TAFA1: variants seen among roughly 807,000 people sequenced by gnomAD.
TAFA1 encodes the protein TAFA chemokine like family member 1, also known as chemokine-like protein TAFA-1.
In TAFA1, 4 loss-of-function variants were observed where a neutral mutation model predicts 18.5. The observed-to-expected ratio is 0.22, with a 90% CI of 0.11 to 0.49. The LOEUF (loss-of-function observed/expected upper bound fraction) is 0.49. TAFA1 is among the 20% of genes least tolerant of loss of function. The probability of loss-of-function intolerance (pLI) is 0.98; values close to 1 mark genes in which losing one functional copy is unlikely to be tolerated. For missense variants in TAFA1, 147 were observed against 169.0 expected, an observed-to-expected ratio of 0.87 and a Z score of 0.72; for synonymous variants, 56 against 55.2, an observed-to-expected ratio of 1.01 and a Z score of -0.06.
intron 2 of TAFA1, among the ~76,000 whole-genome samples, chr3:68,291,231 T>A (rs1028050646): frequency 7.9e-5 from 12 of 152,174 alleles, no homozygotes; most frequent in Admixed American, 5.2e-4. Context: ...GTTAATAGAA[T>A]AAGAGATATT....
At chr3:68,084,606 T>C (rs1452609124) in intron 2 of TAFA1, among the ~76,000 whole-genome samples, 10 of 152,136 alleles carry the variant, frequency 6.6e-5, no homozygotes, top group Non-Finnish European at 1.3e-4. Context: ...GAGACCAGCC[T>C]GGCTAACATG....
intron 2 of TAFA1, among the ~76,000 whole-genome samples, chr3:68,080,170 A>C (rs1353283012): frequency 6.6e-6 from 1 of 152,036 alleles, no homozygotes; most frequent in African/African-American, 2.4e-5. Context: ...TGCTTGGTAG[A>C]TCTTCCTCCA....
At chr3:68,527,269 A>G (rs975458313) in intron 3 of TAFA1, among the ~76,000 whole-genome samples, 2 of 152,144 alleles carry the variant, frequency 1.3e-5, no homozygotes, top group Non-Finnish European at 2.9e-5. Flanking sequence ...GACAAAGAGT[A>G]TTATTAGTGG....
intron 3 of TAFA1, among the ~76,000 whole-genome samples, chr3:68,500,930 CTGAGG>C (rs1379848374): frequency 6.6e-6 from 1 of 151,860 alleles, no homozygotes; most frequent in East Asian, 1.9e-4. Flanking sequence ...CTTTGGGAGC[CTGAGG>C]TGAGTAAATC....
intron 2 of TAFA1, among the ~76,000 whole-genome samples, chr3:68,091,432 A>G (rs1033064143): frequency 2.0e-5 from 3 of 152,116 alleles, no homozygotes; most frequent in African/African-American, 7.2e-5. Flanking sequence ...AAATCATAAT[A>G]TTTAACTTAA....
chr3:68,263,315 G>A (rs11706342), intron 2 of TAFA1, among the ~76,000 whole-genome samples: 12,646 of 151,980 alleles, frequency 0.083, 663 homozygotes, highest in Middle Eastern at 0.12. Flanking sequence ...TTAGTCTCTT[G>A]AATAGAGACT....
intron 2 of TAFA1, among the ~76,000 whole-genome samples, chr3:68,331,562 A>G (rs1037086810): frequency 2.6e-5 from 4 of 152,260 alleles, no homozygotes; most frequent in Admixed American, 6.5e-5. Context: ...AAAGATGTTT[A>G]TTGTAAAGAT....
chr3:68,007,827 G>T (rs1036630209), intron 2 of TAFA1, among the ~76,000 whole-genome samples: 2 of 152,190 alleles, frequency 1.3e-5, no homozygotes, highest in Non-Finnish European at 2.9e-5. Flanking sequence ...CAGTCGGCCT[G>T]GACACCGATA....
At chr3:68,002,102 T>C (rs919020918), upstream of TAFA1, among the ~76,000 whole-genome samples, 3 of 152,152 alleles carry the variant, frequency 2.0e-5, no homozygotes, top group African/African-American at 7.2e-5. Context: ...CTCTGAAAAA[T>C]GTGAGAGTAG....
intron 2 of TAFA1, among the ~76,000 whole-genome samples, chr3:68,288,303 G>C (rs1484324751): frequency 6.6e-6 from 1 of 152,176 alleles, no homozygotes; most frequent in Non-Finnish European, 1.5e-5. Context: ...AGAACATTTA[G>C]TTTTTTAAGC....
chr3:68,390,787 C>CTAATTCTTTTTTAATCAAT, intron 2 of TAFA1, among the ~76,000 whole-genome samples: 1 of 152,190 alleles, frequency 6.6e-6, no homozygotes, highest in Non-Finnish European at 1.5e-5. Flanking sequence ...AGAAGAAAAA[C>CTAATTCTTTTTTAATCAAT]TAGCAAACAG....
At chr3:68,278,601 TC>T (rs2067837905) in intron 2 of TAFA1, among the ~76,000 whole-genome samples, 1 of 152,150 alleles carries the variant, frequency 6.6e-6, no homozygotes, top group Non-Finnish European at 1.5e-5. Flanking sequence ...GCCATCACTT[TC>T]CCCTTCTGCG....
At chr3:68,526,620 G>T (rs890419260) in intron 3 of TAFA1, among the ~76,000 whole-genome samples, 30 of 152,094 alleles carry the variant, frequency 2.0e-4, no homozygotes, top group African/African-American at 6.8e-4. Flanking sequence ...TGGTAAATTT[G>T]TAGCAATTCC....
At chr3:68,199,323 A>T (rs766560005) in intron 2 of TAFA1, among the ~76,000 whole-genome samples, 21 of 151,434 alleles carry the variant, frequency 1.4e-4, no homozygotes, top group Non-Finnish European at 2.5e-4. Flanking sequence ...TTCTCCTTCA[A>T]TGTCGTGTTG....
chr3:68,060,745 TAA>T (rs578163430), intron 2 of TAFA1, among the ~76,000 whole-genome samples: 337 of 152,292 alleles, frequency 2.2e-3, no homozygotes, highest in Non-Finnish European at 3.5e-3. Flanking sequence ...AGAGAAAAGA[TAA>T]AAGAGTTGGA....
chr3:68,288,592 T>C (rs1050387674), intron 2 of TAFA1, among the ~76,000 whole-genome samples: 1 of 152,248 alleles, frequency 6.6e-6, no homozygotes, highest in Admixed American at 6.5e-5. Context: ...CCAGACATTT[T>C]TGCCTATCTG....
intron 2 of TAFA1, chr3:68,145,188 C>CTGCTACAAAATCTGCAAATT: frequency 1.2e-6 from 1 of 817,116 alleles, no homozygotes. Flanking sequence ...AGAATACCAC[C>CTGCTACAAAATCTGCAAATT]TGCTACAAAA....
chr3:68,111,758 A>G (rs191944051), intron 2 of TAFA1, among the ~76,000 whole-genome samples: 88 of 143,030 alleles, frequency 6.2e-4, no homozygotes, highest in South Asian at 1.4e-3. Context: ...AGGAATAAAT[A>G]ATCCATGACA....
intron 2 of TAFA1, among the ~76,000 whole-genome samples, chr3:68,416,658 T>A (rs917432412): frequency 6.6e-6 from 1 of 152,230 alleles, no homozygotes; most frequent in African/African-American, 2.4e-5. Flanking sequence ...AATGCATGGA[T>A]GAGCTGTTAC....
Sources: allele counts gnomAD v4.1 joint callset (sites outside exome capture counted in the v4.1 genomes callset), GRCh38; gene constraint gnomAD v4.1.1; transcripts MANE v1.5; gene names NCBI Gene and HGNC (gene_info 2026-07-23, HGNC 2026-07-21).